The following PXDNL variants were observed in gnomAD, a reference collection of about 807,000 sequenced individuals.
PXDNL encodes the protein probable oxidoreductase PXDNL.
PXDNL carries 145 observed loss-of-function variants against 150.8 expected under a neutral mutation model. That is an observed-to-expected ratio of 0.96 (90% confidence interval 0.84 to 1.10). The LOEUF (loss-of-function observed/expected upper bound fraction) is 1.10. Among genes scored for constraint, PXDNL ranks in the 50% least tolerant of loss-of-function variants. PXDNL has a pLI of 0.00. For synonymous variants in PXDNL, 757 were observed against 725.7 expected (o/e 1.04, Z -0.69); for missense variants, 2,087 against 1,873.9 (o/e 1.11, Z -2.10).
At chr8:51,770,326 C>T (rs71513549) in intron 1 of PXDNL, among the ~76,000 whole-genome samples, 27,334 of 152,206 alleles carry the variant, frequency 0.18, 2,861 homozygotes, top group Non-Finnish European at 0.22. Flanking sequence ...CAAGCTATGA[C>T]TGAATAGCTA....
At chr8:51,494,987 GCACCA>G (rs1488433810) in intron 5 of PXDNL, among the ~76,000 whole-genome samples, 1 of 152,124 alleles carries the variant, frequency 6.6e-6, no homozygotes, top group African/African-American at 2.4e-5. Flanking sequence ...ATTCTTTTCA[GCACCA>G]CACCACACCT....
intron 1 of PXDNL, among the ~76,000 whole-genome samples, chr8:51,688,093 T>C (rs112847904): frequency 0.034 from 5,163 of 152,260 alleles, 275 homozygotes; most frequent in African/African-American, 0.11. Context: ...ATCATTTACC[T>C]TTGGCAAGAA....
intron 1 of PXDNL, among the ~76,000 whole-genome samples, chr8:51,672,169 A>G (rs1815509809): frequency 6.6e-6 from 1 of 152,088 alleles, no homozygotes; most frequent in South Asian, 2.1e-4. Context: ...TTTAATACAG[A>G]CAGGTTTCAC....
Position 51,654,720 on chromosome 8 carries a change from C to T in PXDNL, c.205G>A (p.Ala69Thr), listed in dbSNP as rs374493637. ...FNRIREIPGS[A>T]FKKLKNLNTL... ...TTCAAATTCTTGAGTTTCTTGAAGG[C>T]GCTCCCTGGAATTTCTCTTATTCTG... Residue 69 changes from alanine (A) to threonine (T), a missense_variant, in exon 2 of 23, where the codon GCC becomes ACC. Physicochemically the swap from Ala to Thr is moderately conservative, Grantham distance 58. Transcript: ENST00000356297. The T allele has an allele frequency of 1.4e-5, 23 of 1,613,196 alleles. No individual in the cohort carries two copies. The African/African-American group carries it at 1.9e-4, about 13-fold the overall frequency.
At chr8:51,355,954 G>A (rs913682510) in intron 19 of PXDNL, among the ~76,000 whole-genome samples, 1 of 152,212 alleles carries the variant, frequency 6.6e-6, no homozygotes, top group African/African-American at 2.4e-5. Flanking sequence ...AAGAGATTTG[G>A]AGAAAATTAC....
At chr8:51,477,956 T>C (rs1365518418) in intron 6 of PXDNL, among the ~76,000 whole-genome samples, 2 of 152,178 alleles carry the variant, frequency 1.3e-5, no homozygotes, top group African/African-American at 4.8e-5. Flanking sequence ...GATATAGATT[T>C]TCACTTGCCA....
chr8:51,500,926 A>G (rs935254689), intron 4 of PXDNL, among the ~76,000 whole-genome samples: 3 of 152,234 alleles, frequency 2.0e-5, no homozygotes, highest in Non-Finnish European at 2.9e-5. Context: ...AAGAAAAAGA[A>G]ATACTTTTAC....
chr8:51,789,702 T>G (rs2037493029), intron 1 of PXDNL, among the ~76,000 whole-genome samples: 1 of 152,136 alleles, frequency 6.6e-6, no homozygotes, highest in Non-Finnish European at 1.5e-5. Flanking sequence ...GGTCTGTTTT[T>G]TCCTAACATA....
intron 1 of PXDNL, among the ~76,000 whole-genome samples, chr8:51,695,391 A>T (rs1242583843): frequency 1.3e-5 from 2 of 152,142 alleles, no homozygotes; most frequent in Non-Finnish European, 2.9e-5. Context: ...CAGAATTGGC[A>T]CATATTAGGT....
chr8:51,408,819 G>A lies in PXDNL; in HGVS notation c.2805C>T (p.Pro935=). Residue 935 remains proline, a synonymous_variant, in exon 17 of 23, where the codon CCC becomes CCT. Coordinates refer to ENST00000356297, the MANE Select transcript of PXDNL (RefSeq NM_144651.5). ...ACTCGGTGGGTGGGCCTGTAGAAAAGGGCAATAAGGGCTTTCCGGAGGGAG... is the reference window on the plus strand; with the variant it reads ...ACTCGGTGGGTGGGCCTGTAGAAAAAGGCAATAAGGGCTTTCCGGAGGGAG... The part of the protein sequence containing the change: ...PWPPSGKPLL[P]FSTGPPTECA... The A allele has an allele frequency of 1.3e-6, 2 of 1,568,072 alleles. No homozygotes were observed. The highest frequency in any genetic ancestry group is 1.7e-6 in the Non-Finnish European group (2 of 1,158,224).
intron 3 of PXDNL, among the ~76,000 whole-genome samples, chr8:51,578,137 T>TGAGA (rs966013327): frequency 5.0e-5 from 5 of 100,982 alleles, no homozygotes; most frequent in Non-Finnish European, 8.0e-5. Context: ...AAAGAAAGAG[T>TGAGA]GAGAGAGAGA....
chr8:51,426,163 G>T (rs1222678815), intron 13 of PXDNL, among the ~76,000 whole-genome samples: 1 of 152,166 alleles, frequency 6.6e-6, no homozygotes, highest in African/African-American at 2.4e-5. Flanking sequence ...TCCAAAAGAT[G>T]TAAGATATAT....
chr8:51,752,347 G>A (rs2037053718), intron 1 of PXDNL, among the ~76,000 whole-genome samples: 1 of 151,864 alleles, frequency 6.6e-6, no homozygotes, highest in South Asian at 2.1e-4. Context: ...TCCTAAATGG[G>A]TCCTGTTAAG....
chr8:51,674,943 A>C (rs1320885301), intron 1 of PXDNL, among the ~76,000 whole-genome samples: 1 of 152,222 alleles, frequency 6.6e-6, no homozygotes, highest in Non-Finnish European at 1.5e-5. Flanking sequence ...CCCTGGACTT[A>C]GATTTCTTAA....
chr8:51,498,827 A>T (rs1042715345), intron 5 of PXDNL, among the ~76,000 whole-genome samples: 4 of 152,208 alleles, frequency 2.6e-5, no homozygotes, highest in Non-Finnish European at 4.4e-5. Flanking sequence ...TGAGAATAAA[A>T]TAGAACTATG....
rs552792364 is a variant in PXDNL at position 51,394,070 on chromosome 8, T to A, written c.3557+13997A>T. Among the ~76,000 whole-genome samples, 10 of 152,292 alleles carry A rather than the reference T, an allele frequency of 6.6e-5. No homozygotes were observed. In the South Asian group the frequency reaches 2.1e-3, roughly 32 times the overall value. ...TGACAACTCCGTGTCCTTGGGAAAG[T>A]TAACACCAGCTCATGAGATAACAAA... On this transcript the variant is annotated intron_variant, in intron 17 of 22. Transcript: ENST00000356297.
intron 4 of PXDNL, among the ~76,000 whole-genome samples, chr8:51,510,830 G>T (rs1346459412): frequency 6.6e-6 from 1 of 152,142 alleles, no homozygotes. Flanking sequence ...AAACATTATT[G>T]TGTTTGCCTG....
chr8:51,371,861 A>G lies in PXDNL; in HGVS notation c.3901+12T>C. ...CATCAATCCAGATCGTGCTCATTGC[A>G]TTATTACTGACCTGCACAGCAGTCT... On this transcript the variant is annotated intron_variant, in intron 19 of 22. Transcript: ENST00000356297. 3.1e-6 allele frequency: 5 copies of G among 1,608,752 alleles called. No individual in the cohort carries two copies. The South Asian group carries it at 3.3e-5, about 11-fold the overall frequency.
chr8:51,796,357 A>C (rs922518551), intron 1 of PXDNL, among the ~76,000 whole-genome samples: 4 of 151,704 alleles, frequency 2.6e-5, no homozygotes, highest in African/African-American at 4.8e-5. Context: ...AAAAAAAAAA[A>C]ACCTTCAAAA....
Sources: allele counts gnomAD v4.1 joint callset (sites outside exome capture counted in the v4.1 genomes callset), GRCh38; gene constraint gnomAD v4.1.1; transcripts MANE v1.5; gene names NCBI Gene and HGNC (gene_info 2026-07-23, HGNC 2026-07-21).